The following DMBT1 variants were observed in gnomAD, a reference collection of about 807,000 sequenced individuals.
DMBT1 encodes the protein deleted in malignant brain tumors 1, also known as scavenger receptor cysteine-rich domain-containing protein DMBT1.
Under a neutral mutation model 252.9 loss-of-function variants are expected in DMBT1, and 198 were observed. That is an observed-to-expected ratio of 0.78 (90% confidence interval 0.70 to 0.88). The LOEUF (loss-of-function observed/expected upper bound fraction) is 0.88, where lower values mean the gene tolerates loss of function less well. Among genes scored for constraint, DMBT1 ranks in the 40% least tolerant of loss-of-function variants. DMBT1 has a pLI of 0.00. For synonymous variants in DMBT1, 990 were observed against 942.7 expected, an observed-to-expected ratio of 1.05 and a Z score of -0.92; for missense variants, 2,432 against 2,404.7, an observed-to-expected ratio of 1.01 and a Z score of -0.24.
In DMBT1 at chr10:122,580,976, G is replaced by C; in HGVS notation, c.1033+81G>C. On this transcript the variant is annotated intron_variant, in intron 11 of 55. Coordinates refer to ENST00000338354, the MANE Select transcript of DMBT1 (RefSeq NM_001377530.1). ...CTTCCACACTCCACAGAGCTCTCCT[G>C]TTTCTCTGTGTGGATACTGTGGGGC... The C allele has an allele frequency of 4.5e-6, 7 of 1,546,620 alleles. No homozygotes were observed. In the East Asian group the frequency reaches 1.6e-4, roughly 35 times the overall value.
rs760554123 is a variant in DMBT1 at position 122,643,414 on chromosome 10, C to G, written c.*16C>G. ...GCCTCGGTAGGTGGTCGCTCTCAGA[C>G]CCCACTGTCCACCGGGGCGCAGACC... is the stretch of plus-strand genomic sequence containing the variant. On this transcript the variant is annotated 3_prime_UTR_variant, in exon 56 of 56. Transcript: ENST00000338354. The G allele has an allele frequency of 6.2e-7, 1 of 1,603,934 alleles. No homozygotes were observed. Among genetic ancestry groups the G allele is most frequent in the South Asian group, 1.1e-5 (1 of 89,764 alleles).
intron 49 of DMBT1, 82 bp from the exon 50 acceptor site, chr10:122,631,773 G>A: frequency 6.6e-7 from 1 of 1,511,824 alleles, no homozygotes. Flanking sequence ...TATGGGCCAT[G>A]TAAGTGTATC....
rs752835415 is a variant in DMBT1, at chr10:122,631,070, C to T, written c.6135C>T (p.Thr2045=). The T allele has an allele frequency of 8.7e-6, 14 of 1,613,960 alleles. 1 individual carries two copies. Among genetic ancestry groups the T allele is most frequent in the Non-Finnish European group, 1.2e-5 (14 of 1,179,884 alleles). ...TWGTVCDDSW[T]IQEAEVVCRQ... ...GGACAGTTTGTGATGACTCCTGGACCATTCAGGAAGCTGAGGTGGTCTGCA... is the reference window on the plus strand; with the variant it reads ...GGACAGTTTGTGATGACTCCTGGACTATTCAGGAAGCTGAGGTGGTCTGCA... Residue 2045 remains threonine, a synonymous_variant, in exon 49 of 56, where the codon ACC becomes ACT. Transcript: ENST00000338354.
At chr10:122,576,963 T>G (rs1397755605) in intron 7 of DMBT1, among the ~76,000 whole-genome samples, 1 of 152,248 alleles carries the variant, frequency 6.6e-6, no homozygotes, top group African/African-American at 2.4e-5. Context: ...AAGTCTTTCC[T>G]GGTTATCTGG....
In DMBT1 at chr10:122,630,912, C is replaced by T. The variant is rs775181074; in HGVS notation, c.6026-49C>T. Reference sequence around the variant, plus strand: ...TTGGCCTTTGAGGTTTGTTGTGGGACATTTGTTGTGGGACATGGCCATGAT... The same window carrying T: ...TTGGCCTTTGAGGTTTGTTGTGGGATATTTGTTGTGGGACATGGCCATGAT... On this transcript the variant is annotated intron_variant, in intron 48 of 55. Transcript: ENST00000338354. 4.5e-6 allele frequency: 7 copies of T among 1,542,756 alleles called. No homozygotes were observed. The East Asian group carries it at 9.1e-5, about 20-fold the overall frequency.
chr10:122,589,218 G>T lies in DMBT1; in HGVS notation c.2058G>T (p.Trp686Cys), dbSNP rs2097824685. 5 of 1,588,490 alleles carry T rather than the reference G, an allele frequency of 3.1e-6. 1 individual carries two copies. The highest frequency in any genetic ancestry group is 4.3e-6 in the Non-Finnish European group (5 of 1,165,750). Residue 686 changes from tryptophan (W) to cysteine (C), a missense_variant, in exon 17 of 56, where the codon TGG becomes TGT. By Grantham distance (215) the Trp-to-Cys change is radical. Coordinates refer to ENST00000338354, the MANE Select transcript of DMBT1 (RefSeq NM_001377530.1). ...TGTGGAGCTGCCCCAACAATGGCTG[G>T]CTCTCCCACAACTGTGGCCATCATG... The part of the protein sequence containing the change: ...SYLWSCPNNG[W>C]LSHNCGHHED...
intron 5 of DMBT1, 127 bp downstream of exon 5, chr10:122,572,488 T>G (rs2097673865): frequency 7.6e-7 from 1 of 1,312,720 alleles, no homozygotes; most frequent in African/African-American, 1.5e-5. Flanking sequence ...TCAGGTAGTG[T>G]GGATATCACC....
intron 24 of DMBT1, 122 bp from the exon 25 acceptor site, chr10:122,597,852 G>A (rs967236515): frequency 3.5e-6 from 5 of 1,441,806 alleles, no homozygotes; most frequent in African/African-American, 2.8e-5. Flanking sequence ...CACATGGGGA[G>A]CAAGTGGCAG....
At chr10:122,563,767 C>A (rs1457694214) in intron 1 of DMBT1, among the ~76,000 whole-genome samples, 3 of 152,130 alleles carry the variant, frequency 2.0e-5, no homozygotes, top group Non-Finnish European at 4.4e-5. Context: ...ACAGCAGAAC[C>A]AGGAACAACT....
In DMBT1 at chr10:122,589,041, T is replaced by G; in HGVS notation, c.1881T>G (p.Cys627Trp). 6.3e-7 allele frequency: 1 copy of G among 1,588,842 alleles called. No individual in the cohort carries two copies. Among genetic ancestry groups the G allele is most frequent in the Admixed American group, 1.7e-5 (1 of 59,592 alleles). Residue 627 changes from cysteine to tryptophan, a missense_variant, in exon 17 of 56, where the codon TGT (cysteine) becomes TGG (tryptophan). By Grantham distance (215) the Cys-to-Trp change is radical (BLOSUM62 -2). Around this residue, in one of 3 missense-constraint regions of DMBT1, gnomAD observed 1,264 missense variants for 1,082.2 expected, o/e 1.17. Coordinates refer to ENST00000338354, the MANE Select transcript of DMBT1 (RefSeq NM_001377530.1). Reference protein sequence around the residue: ...VLYRGSWGTVCDDSWDTNDAN... With the variant: ...VLYRGSWGTVWDDSWDTNDAN... ...ACCGAGGCTCTTGGGGCACCGTGTG[T>G]GATGACAGCTGGGACACCAATGATG... is the stretch of plus-strand genomic sequence containing the variant.
Position 122,643,209 on chromosome 10 carries a change from C to T in DMBT1, c.7440C>T (p.Asn2480=). 6.2e-7 allele frequency: 1 copy of T among 1,614,012 alleles called. No individual in the cohort carries two copies. The highest frequency in any genetic ancestry group is 8.5e-7 in the Non-Finnish European group (1 of 1,179,896). Residue 2480 remains asparagine, a synonymous_variant, in exon 56 of 56, where the codon AAC becomes AAT. Coordinates refer to ENST00000338354, the MANE Select transcript of DMBT1 (RefSeq NM_001377530.1). ...RFRFRAFHFL[N]RFPSVYLRCK... Reference sequence around the variant, plus strand: ...GGTTCAGGGCCTTCCACTTCCTGAACCGCTTCCCCTCCGTGTACCTGCGTT... The same window carrying T: ...GGTTCAGGGCCTTCCACTTCCTGAATCGCTTCCCCTCCGTGTACCTGCGTT...
rs2098162970 is a variant in DMBT1 at position 122,631,279 on chromosome 10, C to T, written c.6344C>T (p.Ser2115Leu). 6.2e-7 allele frequency: 1 copy of T among 1,612,752 alleles called. No homozygotes were observed. Reference protein sequence around the residue: ...NHREDAGVICSGNHLSTPAPF... With the variant: ...NHREDAGVICLGNHLSTPAPF... ...CGTGAAGATGCTGGTGTCATCTGCTCAGGTATGGCCCAATGCCATGGAAGG... is the reference window on the plus strand; with the variant it reads ...CGTGAAGATGCTGGTGTCATCTGCTTAGGTATGGCCCAATGCCATGGAAGG... Residue 2115 changes from serine to leucine, a missense_variant and splice_region_variant, in exon 49 of 56, where the codon TCA becomes TTA. Transcript: ENST00000338354.
chr10:122,624,601 C>T (rs773948694), intron 44 of DMBT1, among the ~76,000 whole-genome samples: 3 of 152,162 alleles, frequency 2.0e-5, no homozygotes, highest in Non-Finnish European at 4.4e-5. Flanking sequence ...AGGTGGAGGT[C>T]CTGTACCAAG....
intron 1 of DMBT1, among the ~76,000 whole-genome samples, chr10:122,564,343 C>T (rs2097572054): frequency 6.6e-6 from 1 of 152,198 alleles, no homozygotes. Flanking sequence ...GTGACACATG[C>T]CTGTAGTTCC....
rs746025070 is a variant in DMBT1 at position 122,560,823 on chromosome 10, T to A, written c.53T>A (p.Leu18Gln). 2.6e-6 allele frequency: 4 copies of A among 1,566,994 alleles called. No individual in the cohort carries two copies. The South Asian group carries it at 4.7e-5, about 18-fold the overall frequency. ...LEMCLLWGQV[L>Q]STGGWIPRTT... is the part of the protein sequence containing the mutation. ...ATGTGTCTTTTATGGGGACAAGTTC[T>A]ATCTACAGGTATTACGTTTAATTAT... is the stretch of plus-strand genomic sequence containing the variant. Residue 18 changes from leucine (L) to glutamine (Q), a missense_variant, in exon 1 of 56, where the codon CTA (leucine) becomes CAA (glutamine). This residue lies in a region of DMBT1 where 1,264 missense variants were observed against 1,082.2 expected (regional missense o/e 1.17). Transcript: ENST00000338354.
chr10:122,586,491 T>C, intron 16 of DMBT1, 108 bp downstream of exon 16: 1 of 1,466,094 alleles, frequency 6.8e-7, no homozygotes, highest in Non-Finnish European at 9.2e-7. Flanking sequence ...TTTCCTATAT[T>C]TCTGATACCT....
At chr10:122,634,429 CTTCTCTCTCTCT>C (rs2098202140) in intron 52 of DMBT1, among the ~76,000 whole-genome samples, 2 of 54,828 alleles carry the variant, frequency 3.6e-5, no homozygotes, top group East Asian at 1.3e-3. Flanking sequence ...CTCTCTCTCT[CTTCTCTCTCTCT>C]CTCTCTCTCT....
At position 122,632,897 on chromosome 10, in the gene DMBT1, T is replaced by C. The variant is rs922071479; in HGVS notation, c.6397+7T>C. On this transcript the variant is annotated splice_region_variant and intron_variant, in intron 51 of 55. Coordinates refer to ENST00000338354, the MANE Select transcript of DMBT1 (RefSeq NM_001377530.1). ...AACATCACCCGTCCAAACAGTAAGT[T>C]CTGAGCTCCCTGACAAGTCTGTGGC... 2 of 1,613,770 alleles carry C rather than the reference T, an allele frequency of 1.2e-6. No homozygotes were observed. Among genetic ancestry groups the C allele is most frequent in the African/African-American group, 2.7e-5 (2 of 74,914 alleles).
At position 122,637,207 on chromosome 10, in the gene DMBT1, C is replaced by A. The variant is rs200885594; in HGVS notation, c.6837C>A (p.Asp2279Glu). The A allele has an allele frequency of 1.9e-6, 3 of 1,614,008 alleles. No individual in the cohort carries two copies. In the East Asian group the frequency reaches 6.7e-5, roughly 36 times the overall value. Reference protein sequence around the residue: ...YLQSLGFSASDLVISTWNGYY... With the variant: ...YLQSLGFSASELVISTWNGYY... ...AATCCTTGGGCTTTTCTGCCAGTGA[C>A]CTTGTCATTTCCACCTGGAATGGAT... is the stretch of plus-strand genomic sequence containing the variant. The change falls in exon 54 of 56, where the codon GAC becomes GAA. Residue 2279 changes from aspartate (D) to glutamate (E), a missense_variant. Physicochemically the swap from Asp to Glu is conservative, Grantham distance 45 (BLOSUM62 2). This residue lies in a region of DMBT1 where 1,162 missense variants were observed against 1,169.0 expected (regional missense o/e 0.99). Coordinates refer to ENST00000338354, the MANE Select transcript of DMBT1 (RefSeq NM_001377530.1).
Sources: gnomAD v4.1 joint callset for allele counts (sites outside exome capture counted in the v4.1 genomes callset) on GRCh38, gnomAD v4.1.1 for gene constraint, gnomAD v4.1.1 regional missense constraint, MANE v1.5 for transcripts, NCBI Gene and HGNC (gene_info 2026-07-23, HGNC 2026-07-21) for gene names.